FRMD4A: variants seen among roughly 807,000 people sequenced by gnomAD.
FRMD4A encodes the protein FERM domain-containing protein 4A.
A neutral mutation model predicts 129.1 loss-of-function variants in FRMD4A; 29 were observed. The ratio of observed to expected loss-of-function variants is 0.22; its 90% confidence interval spans 0.17 to 0.31. The LOEUF is 0.31. Ranked by LOEUF, FRMD4A falls within the 10% of genes least tolerant of loss-of-function variation. The probability of loss-of-function intolerance (pLI) is 1.00; values close to 1 mark genes in which losing one functional copy is unlikely to be tolerated. For synonymous variants in FRMD4A, 634 were observed against 571.6 expected, an observed-to-expected ratio of 1.11 and a Z score of -1.56; for missense variants, 1,272 against 1,375.8, an observed-to-expected ratio of 0.92 and a Z score of 1.19.
chr10:13,830,722 T>C (rs943493912), intron 3 of FRMD4A, among the ~76,000 whole-genome samples: 1 of 152,170 alleles, frequency 6.6e-6, no homozygotes, highest in African/African-American at 2.4e-5. Flanking sequence ...CCATGTATGT[T>C]CATGTTCCAT....
At chr10:13,896,204 A>G (rs1015577450) in intron 2 of FRMD4A, among the ~76,000 whole-genome samples, 2 of 152,236 alleles carry the variant, frequency 1.3e-5, no homozygotes, top group Admixed American at 6.5e-5. Flanking sequence ...ATTCTACTAT[A>G]AAGACACATG....
intron 2 of FRMD4A, among the ~76,000 whole-genome samples, chr10:14,249,223 G>A (rs893539619): frequency 1.3e-5 from 2 of 151,946 alleles, no homozygotes; most frequent in Non-Finnish European, 2.9e-5. Context: ...GTGGTGGTGG[G>A]CACCTATAAT....
chr10:13,960,491 TTA>T (rs1032549067), intron 2 of FRMD4A, among the ~76,000 whole-genome samples: 1 of 152,302 alleles, frequency 6.6e-6, no homozygotes, highest in East Asian at 1.9e-4. Context: ...TCTAAGTACT[TTA>T]TATATATAGT....
chr10:13,692,661 T>C (rs2085820696), intron 15 of FRMD4A: 1 of 145,304 alleles, frequency 6.9e-6, no homozygotes, highest in East Asian at 2.4e-4. Flanking sequence ...AAATTTCTCC[T>C]GGCTATGATT....
chr10:13,969,097 C>A (rs2095502700), intron 2 of FRMD4A, among the ~76,000 whole-genome samples: 1 of 152,228 alleles, frequency 6.6e-6, no homozygotes, highest in Admixed American at 6.5e-5. Context: ...CAGACCACCC[C>A]AGCCTGGTCT....
chr10:14,053,886 G>A (rs1221637508), intron 2 of FRMD4A, among the ~76,000 whole-genome samples: 2 of 152,164 alleles, frequency 1.3e-5, no homozygotes, highest in African/African-American at 2.4e-5. Context: ...CTAGTGGATT[G>A]TGGTGGTACA....
At chr10:14,038,739 C>T (rs1016322083) in intron 2 of FRMD4A, among the ~76,000 whole-genome samples, 1 of 152,194 alleles carries the variant, frequency 6.6e-6, no homozygotes, top group South Asian at 2.1e-4. Context: ...TCAACTACCC[C>T]AAGTAAGGCT....
chr10:14,185,578 T>C (rs1019745940), intron 2 of FRMD4A, among the ~76,000 whole-genome samples: 5 of 151,964 alleles, frequency 3.3e-5, no homozygotes, highest in Non-Finnish European at 5.9e-5. Context: ...TTCAATCTCG[T>C]CTTGTAAGAA....
At chr10:13,983,065 A>T (rs533020869) in intron 2 of FRMD4A, among the ~76,000 whole-genome samples, 12 of 152,164 alleles carry the variant, frequency 7.9e-5, no homozygotes, top group African/African-American at 2.9e-4. Flanking sequence ...GTGATTCTGG[A>T]TTCTCCTGCC....
At chr10:14,196,526 CAAAT>C (rs1252071206) in intron 2 of FRMD4A, among the ~76,000 whole-genome samples, 1 of 152,166 alleles carries the variant, frequency 6.6e-6, no homozygotes, top group East Asian at 1.9e-4. Flanking sequence ...ACAAGAAAAA[CAAAT>C]ACTTTTTATA....
At chr10:14,286,842 T>C (rs1488180556) in intron 2 of FRMD4A, among the ~76,000 whole-genome samples, 1 of 151,606 alleles carries the variant, frequency 6.6e-6, no homozygotes. Context: ...GGAGACAGAG[T>C]CCATACTGGG....
intron 2 of FRMD4A, among the ~76,000 whole-genome samples, chr10:14,029,458 T>A (rs1833133513): frequency 6.6e-6 from 1 of 152,146 alleles, no homozygotes; most frequent in African/African-American, 2.4e-5. Flanking sequence ...ATTAATTCAG[T>A]TCATATCAAC....
chr10:14,325,328 C>T (rs770376023), intron 2 of FRMD4A, among the ~76,000 whole-genome samples: 1 of 152,194 alleles, frequency 6.6e-6, no homozygotes, highest in South Asian at 2.1e-4. Flanking sequence ...GAACTAGGAC[C>T]TTGATCACAT....
At chr10:14,178,742 T>A (rs1841815137) in intron 2 of FRMD4A, among the ~76,000 whole-genome samples, 1 of 152,048 alleles carries the variant, frequency 6.6e-6, no homozygotes, top group Admixed American at 6.5e-5. Flanking sequence ...TAGGGCACTC[T>A]CTGCTTGCAA....
intron 3 of FRMD4A, among the ~76,000 whole-genome samples, chr10:13,848,609 C>CGTGGGTGT (rs2094091745): frequency 1.6e-5 from 2 of 124,018 alleles, no homozygotes; most frequent in Non-Finnish European, 3.6e-5. Flanking sequence ...TGTGTGTGTA[C>CGTGGGTGT]GTGTGTGTGT....
intron 3 of FRMD4A, among the ~76,000 whole-genome samples, chr10:13,837,954 G>C (rs968559994): frequency 6.6e-6 from 1 of 152,160 alleles, no homozygotes; most frequent in African/African-American, 2.4e-5. Flanking sequence ...ACCTCTTAAG[G>C]GGATGGAGGA....
In FRMD4A at chr10:13,701,376, G is replaced by C; in HGVS notation, c.939C>G (p.Ser313Arg). ...TTCTGTCCAGATAGAACTGGTGTTGGCTTATGGCCATAGCCCAGATGGACT... is the reference window on the plus strand; with the variant it reads ...TTCTGTCCAGATAGAACTGGTGTTGCCTTATGGCCATAGCCCAGATGGACT... ...LIKSIWAMAI[S>R]QHQFYLDRKQ... Residue 313 changes from serine to arginine, a missense_variant, in exon 14 of 25, where the codon AGC becomes AGG. Ser to Arg is a moderately radical substitution (Grantham distance 110, BLOSUM62 -1). Transcript: ENST00000357447. The C allele has an allele frequency of 1.9e-6, 3 of 1,614,010 alleles. No homozygotes were observed. Among genetic ancestry groups the C allele is most frequent in the Non-Finnish European group, 2.5e-6 (3 of 1,179,854 alleles).
chr10:13,733,941 T>C (rs2135030068), intron 12 of FRMD4A, among the ~76,000 whole-genome samples: 1 of 152,258 alleles, frequency 6.6e-6, no homozygotes, highest in South Asian at 2.1e-4. Flanking sequence ...CAGTGATGCT[T>C]TGGAAATTCT....
intron 2 of FRMD4A, among the ~76,000 whole-genome samples, chr10:13,965,153 G>A (rs1362258043): frequency 6.6e-6 from 1 of 150,496 alleles, no homozygotes; most frequent in Non-Finnish European, 1.5e-5. Context: ...GAGGTCCACA[G>A]ACATTGCCAT....
Sources: allele counts gnomAD v4.1 joint callset (sites outside exome capture counted in the v4.1 genomes callset), GRCh38; gene constraint gnomAD v4.1.1; transcripts MANE v1.5; gene names NCBI Gene and HGNC (gene_info 2026-07-23, HGNC 2026-07-21).